PALM2AKAP2: variants seen among roughly 807,000 people sequenced by gnomAD.
PALM2AKAP2 encodes the protein PALM2 and AKAP2 fusion.
In PALM2AKAP2, 37 loss-of-function variants were observed where a neutral mutation model predicts 71.5. That is an observed-to-expected ratio of 0.52 (90% CI 0.40 to 0.68). The LOEUF (loss-of-function observed/expected upper bound fraction) is 0.68, where lower values mean the gene tolerates loss of function less well. Ranked by LOEUF, PALM2AKAP2 falls within the 30% of genes least tolerant of loss-of-function variation. The pLI is 0.00. For synonymous variants in PALM2AKAP2, 468 were observed against 478.8 expected, an observed-to-expected ratio of 0.98 and a Z score of 0.29; for missense variants, 1,224 against 1,191.8, an observed-to-expected ratio of 1.03 and a Z score of -0.40.
intron 1 of PALM2AKAP2, among the ~76,000 whole-genome samples, chr9:110,083,244 T>C (rs1267046852): frequency 6.6e-6 from 1 of 152,220 alleles, no homozygotes; most frequent in Non-Finnish European, 1.5e-5. Context: ...ACGGTTTGGC[T>C]ACTCTAGGTA....
chr9:110,138,459 A>G (rs1835949504), exon 2 of PALM2AKAP2: 1 of 1,614,234 alleles, frequency 6.2e-7, no homozygotes. Flanking sequence ...AGGCAGAGAC[A>G]AGTCTTGCAG....
chr9:109,662,382 G>A (rs1402724571), intron 1 of PALM2AKAP2, among the ~76,000 whole-genome samples: 2 of 152,220 alleles, frequency 1.3e-5, no homozygotes, highest in Non-Finnish European at 2.9e-5. Flanking sequence ...CTGAAGCGCT[G>A]TTGAATTTTG....
At chr9:109,837,177 C>A (rs995118019) in intron 1 of PALM2AKAP2, among the ~76,000 whole-genome samples, 1 of 152,224 alleles carries the variant, frequency 6.6e-6, no homozygotes, top group African/African-American at 2.4e-5. Flanking sequence ...AACAGTGGAT[C>A]TCTCTGCAGA....
intron 1 of PALM2AKAP2, among the ~76,000 whole-genome samples, chr9:109,662,811 G>A (rs892542175): frequency 2.6e-5 from 4 of 152,056 alleles, no homozygotes; most frequent in Non-Finnish European, 4.4e-5. Context: ...ACTTTTTTTG[G>A]TTGGTAGGCT....
At chr9:109,720,224 G>C (rs1254936765) in intron 1 of PALM2AKAP2, among the ~76,000 whole-genome samples, 1 of 152,064 alleles carries the variant, frequency 6.6e-6, no homozygotes, top group African/African-American at 2.4e-5. Context: ...CCAGACCTCA[G>C]GTCATCTGCC....
chr9:109,709,492 G>A (rs575701724), intron 1 of PALM2AKAP2, among the ~76,000 whole-genome samples: 23 of 152,192 alleles, frequency 1.5e-4, no homozygotes, highest in South Asian at 1.2e-3. Context: ...ATCTTTTACC[G>A]TCTCTTGCCA....
intron 1 of PALM2AKAP2, among the ~76,000 whole-genome samples, chr9:109,671,789 C>T (rs1039213809): frequency 6.6e-6 from 1 of 152,072 alleles, no homozygotes; most frequent in African/African-American, 2.4e-5. Flanking sequence ...TTTTGTAGTT[C>T]TCCTTGTAGA....
chr9:109,794,360 A>G (rs1056283845), intron 1 of PALM2AKAP2, among the ~76,000 whole-genome samples: 1 of 151,158 alleles, frequency 6.6e-6, no homozygotes, highest in Non-Finnish European at 1.5e-5. Flanking sequence ...TTCTATTGAC[A>G]GGGACTGAGG....
chr9:109,993,395 C>T (rs1212659842), intron 6 of PALM2AKAP2, among the ~76,000 whole-genome samples: 1 of 152,124 alleles, frequency 6.6e-6, no homozygotes, highest in Non-Finnish European at 1.5e-5. Flanking sequence ...TTTCCTTCTT[C>T]CAGCATTCTA....
chr9:109,865,125 G>GTC (rs1420342037), intron 1 of PALM2AKAP2, among the ~76,000 whole-genome samples: 32 of 40,260 alleles, frequency 7.9e-4, no homozygotes, highest in African/African-American at 3.9e-3. Context: ...TTGAGACAGA[G>GTC]TCTCACTCTG....
At chr9:109,716,480 A>G (rs1828321442) in intron 1 of PALM2AKAP2, among the ~76,000 whole-genome samples, 1 of 152,192 alleles carries the variant, frequency 6.6e-6, no homozygotes, top group African/African-American at 2.4e-5. Context: ...AATGTCAAGT[A>G]TCACATGGGC....
chr9:110,023,727 C>T (rs1279974055), intron 7 of PALM2AKAP2, among the ~76,000 whole-genome samples: 1 of 152,000 alleles, frequency 6.6e-6, no homozygotes, highest in African/African-American at 2.4e-5. Flanking sequence ...TGTGGTGGCT[C>T]ACACCTGTAA....
At chr9:110,055,865 C>T (rs1833827980) in intron 1 of PALM2AKAP2, among the ~76,000 whole-genome samples, 1 of 152,088 alleles carries the variant, frequency 6.6e-6, no homozygotes, top group African/African-American at 2.4e-5. Context: ...GAAGAGTGTG[C>T]ATATGTAACT....
intron 1 of PALM2AKAP2, among the ~76,000 whole-genome samples, chr9:110,088,004 A>G (rs965337880): frequency 1.3e-5 from 2 of 152,192 alleles, no homozygotes; most frequent in African/African-American, 4.8e-5. Context: ...GAGCTGTTCA[A>G]ATTGTTATCA....
intron 2 of PALM2AKAP2, among the ~76,000 whole-genome samples, chr9:109,869,584 C>T (rs1296178908): frequency 5.3e-5 from 8 of 151,928 alleles, no homozygotes; most frequent in South Asian, 4.2e-4. Context: ...GTGATCCACC[C>T]GCCTTGGCCT....
At chr9:109,932,132 C>A in intron 6 of PALM2AKAP2, 104 bp downstream of exon 6, 1 of 1,229,008 alleles carries the variant, frequency 8.1e-7, no homozygotes, top group Admixed American at 2.6e-5. Context: ...ATAGGGGGAG[C>A]TCACCTTCAG....
At chr9:110,029,777 A>C (rs1588067143) in intron 7 of PALM2AKAP2, among the ~76,000 whole-genome samples, 1 of 152,218 alleles carries the variant, frequency 6.6e-6, no homozygotes, top group Non-Finnish European at 1.5e-5. Context: ...AAGGTAGCCA[A>C]CCTGGTTCCC....
chr9:109,704,398 T>G (rs925658366), intron 1 of PALM2AKAP2, among the ~76,000 whole-genome samples: 1 of 152,210 alleles, frequency 6.6e-6, no homozygotes, highest in Admixed American at 6.5e-5. Flanking sequence ...TAAATTCACT[T>G]GTATAAATGT....
At chr9:109,687,614 T>C (rs1827823196) in intron 1 of PALM2AKAP2, among the ~76,000 whole-genome samples, 1 of 152,246 alleles carries the variant, frequency 6.6e-6, no homozygotes, top group East Asian at 1.9e-4. Flanking sequence ...CTAAAGGGAA[T>C]GTTGTGGCTG....
Sources: allele counts gnomAD v4.1 joint callset (sites outside exome capture counted in the v4.1 genomes callset), GRCh38; gene constraint gnomAD v4.1.1; transcripts MANE v1.5; gene names NCBI Gene and HGNC (gene_info 2026-07-23, HGNC 2026-07-21).